Variants in PXT1 observed in about 807,000 individuals in gnomAD.
PXT1 encodes the protein peroxisomal testis-specific protein 1.
Under a neutral mutation model 11.0 loss-of-function variants are expected in PXT1, and 11 were observed. That is an observed-to-expected ratio of 1.00 (90% CI 0.63 to 1.66). The LOEUF (loss-of-function observed/expected upper bound fraction) is 1.66. Ranked by LOEUF, PXT1 falls within the 40% of genes most tolerant of loss-of-function variation. The pLI is 0.00. For missense variants in PXT1, 141 were observed against 155.5 expected, an observed-to-expected ratio of 0.91 and a Z score of 0.49; for synonymous variants, 43 against 51.4, an observed-to-expected ratio of 0.84 and a Z score of 0.70.
intron 2 of PXT1, among the ~76,000 whole-genome samples, chr6:36,429,074 C>G (rs1219789297): frequency 6.6e-6 from 1 of 151,106 alleles, no homozygotes; most frequent in African/African-American, 2.4e-5. Context: ...TGAGAACAGC[C>G]TGGGCAACAT....
intron 2 of PXT1, among the ~76,000 whole-genome samples, chr6:36,437,536 T>C (rs1381239819): frequency 6.9e-6 from 1 of 145,888 alleles, no homozygotes; most frequent in Non-Finnish European, 1.5e-5. Flanking sequence ...TTTTTGGAGA[T>C]GGAGTCTTGC....
At chr6:36,396,987 TC>T (rs1774153394) in intron 4 of PXT1, among the ~76,000 whole-genome samples, 1 of 117,338 alleles carries the variant, frequency 8.5e-6, no homozygotes, top group Non-Finnish European at 2.1e-5. Context: ...GGAGCTACTC[TC>T]TCCAGGGCCT....
intron 2 of PXT1, among the ~76,000 whole-genome samples, chr6:36,431,350 A>G (rs1462521776): frequency 1.3e-5 from 2 of 152,206 alleles, no homozygotes; most frequent in Non-Finnish European, 2.9e-5. Flanking sequence ...TCTTTTACTG[A>G]ATGCCAGGCA....
chr6:36,432,961 A>C (rs1774713457), intron 2 of PXT1, among the ~76,000 whole-genome samples: 1 of 152,156 alleles, frequency 6.6e-6, no homozygotes, highest in African/African-American at 2.4e-5. Context: ...TTAGGGGAAA[A>C]AACCTGACAT....
intron 2 of PXT1, among the ~76,000 whole-genome samples, chr6:36,435,460 G>A (rs999375817): frequency 2.6e-5 from 4 of 152,064 alleles, no homozygotes; most frequent in Non-Finnish European, 5.9e-5. Flanking sequence ...CTACTCAGGA[G>A]GCTGAGGCAG....
At chr6:36,414,004 A>C (rs879392942) in intron 3 of PXT1, among the ~76,000 whole-genome samples, 3 of 152,200 alleles carry the variant, frequency 2.0e-5, no homozygotes, top group African/African-American at 7.2e-5. Flanking sequence ...GTCTCTAAAA[A>C]CATAAAAATA....
chr6:36,427,240 A>C (rs1458582504), intron 2 of PXT1, among the ~76,000 whole-genome samples: 1 of 152,028 alleles, frequency 6.6e-6, no homozygotes, highest in East Asian at 1.9e-4. Flanking sequence ...TGACCTCGTG[A>C]TCTGCCCTCC....
Position 36,417,799 on chromosome 6 carries a change from AAAG to A in PXT1, c.169+8112_169+8114del, listed in dbSNP as rs557874578. 3.2e-3 allele frequency among the ~76,000 whole-genome samples: 492 copies of A among 151,774 alleles called. 1 individual carries two copies. The highest frequency in any genetic ancestry group is 0.011 in the African/African-American group (467 of 41,388). On this transcript the variant is annotated intron_variant, in intron 3 of 4. Coordinates refer to ENST00000454782, the MANE Select transcript of PXT1 (RefSeq NM_152990.4). ...AAAAAAAAAGAAAGAAAGAAAAAGA[AAAG>A]AAAAAAAGAGAGAGAGGAATAAATG... is the stretch of plus-strand genomic sequence containing the variant.
intron 2 of PXT1, among the ~76,000 whole-genome samples, chr6:36,430,543 A>G (rs930491495): frequency 1.3e-5 from 2 of 152,204 alleles, no homozygotes; most frequent in Admixed American, 1.3e-4. Flanking sequence ...AGAAGAATCT[A>G]TCTATAACCC....
intron 4 of PXT1, among the ~76,000 whole-genome samples, chr6:36,399,449 C>G (rs566354382): frequency 9.2e-5 from 14 of 152,318 alleles, no homozygotes; most frequent in African/African-American, 2.6e-4. Flanking sequence ...ACCTGGCCCC[C>G]TCTTGCTTTT....
chr6:36,415,442 T>A (rs370585737), intron 3 of PXT1, among the ~76,000 whole-genome samples: 2 of 152,196 alleles, frequency 1.3e-5, no homozygotes, highest in East Asian at 1.9e-4. Flanking sequence ...AGACTCTGTC[T>A]CAAAAAATTA....
chr6:36,416,698 G>GT (rs1410374128), intron 3 of PXT1, among the ~76,000 whole-genome samples: 7 of 152,260 alleles, frequency 4.6e-5, no homozygotes, highest in Admixed American at 2.6e-4. Flanking sequence ...AATAAATCCT[G>GT]TATTATATAA....
chr6:36,426,218 G>T, intron 2 of PXT1, 127 bp from the exon 3 acceptor site: 1 of 625,122 alleles, frequency 1.6e-6, no homozygotes, highest in East Asian at 3.1e-5. Flanking sequence ...TTATGGATTG[G>T]GGTAGAAGGT....
At chr6:36,399,113 C>CTTTAT (rs141107551) in intron 4 of PXT1, among the ~76,000 whole-genome samples, 41,563 of 146,884 alleles carry the variant, frequency 0.28, 6,182 homozygotes, top group East Asian at 0.39. Flanking sequence ...TTCTCTCTTG[C>CTTTAT]TTTATTTTAT....
At chr6:36,408,580 A>C (rs1774322339) in intron 3 of PXT1, among the ~76,000 whole-genome samples, 1 of 140,562 alleles carries the variant, frequency 7.1e-6, no homozygotes, top group Non-Finnish European at 1.6e-5. Flanking sequence ...TTTCTCAAAA[A>C]AGAAAAAAAA....
intron 4 of PXT1, among the ~76,000 whole-genome samples, chr6:36,392,545 C>T (rs1341067537): frequency 6.6e-6 from 1 of 152,094 alleles, no homozygotes; most frequent in Non-Finnish European, 1.5e-5. Context: ...CCTGTAGTCC[C>T]AGCTACTCAG....
At chr6:36,425,750 T>G (rs1351416785) in intron 3 of PXT1, among the ~76,000 whole-genome samples, 164 bp downstream of exon 3, 7 of 150,788 alleles carry the variant, frequency 4.6e-5, no homozygotes, top group Non-Finnish European at 1.0e-4. Context: ...ATGGCACCAC[T>G]GCACTTCAGC....
intron 3 of PXT1, among the ~76,000 whole-genome samples, chr6:36,402,346 T>G (rs955361144): frequency 2.0e-5 from 3 of 152,196 alleles, no homozygotes; most frequent in Non-Finnish European, 4.4e-5. Context: ...GAAATGAATT[T>G]GGGCTAACAT....
chr6:36,402,724 T>C (rs555643310), intron 3 of PXT1, among the ~76,000 whole-genome samples: 3 of 152,230 alleles, frequency 2.0e-5, no homozygotes, highest in East Asian at 1.9e-4. Flanking sequence ...GCATAAACTC[T>C]AAGCAGTGCT....
Sources: gnomAD v4.1 joint callset for allele counts (sites outside exome capture counted in the v4.1 genomes callset) on GRCh38, gnomAD v4.1.1 for gene constraint, MANE v1.5 for transcripts, NCBI Gene and HGNC (gene_info 2026-07-23, HGNC 2026-07-21) for gene names.